XPO5: variants seen among roughly 807,000 people sequenced by gnomAD.
XPO5 encodes the protein exportin 5.
XPO5 carries 46 observed loss-of-function variants against 160.6 expected under a neutral mutation model. That is an observed-to-expected ratio of 0.29 (90% CI 0.23 to 0.37). The LOEUF (loss-of-function observed/expected upper bound fraction) is 0.37. XPO5 is among the 10% of genes least tolerant of loss of function. The pLI is 1.00. For missense variants in XPO5, 1,090 were observed against 1,463.9 expected, an observed-to-expected ratio of 0.74 and a Z score of 4.17; for synonymous variants, 537 against 519.3, an observed-to-expected ratio of 1.03 and a Z score of -0.46.
chr6:43,524,385 G>A, intron 31 of XPO5, 86 bp downstream of exon 31: 1 of 1,453,238 alleles, frequency 6.9e-7, no homozygotes, highest in South Asian at 1.4e-5. Flanking sequence ...CACCATAATG[G>A]TCAATAACTA....
chr6:43,546,587 A>T lies in XPO5; in HGVS notation c.2326T>A (p.Leu776Met), dbSNP rs748594652. ...CTGACTCACCTTATAAGCGCAAGCA[A>T]ATTGTCAAGAAGTTTCAGAATCTGC... is the stretch of plus-strand genomic sequence containing the variant. ...TEQILKLLDN[L>M]LALIRTHNTL... The change falls in exon 20 of 32, where the codon TTG becomes ATG. Residue 776 changes from leucine to methionine, a missense_variant. Physicochemically the swap from Leu to Met is conservative, Grantham distance 15 (BLOSUM62 2). Coordinates refer to ENST00000265351, the MANE Select transcript of XPO5 (RefSeq NM_020750.3). 6.2e-7 allele frequency: 1 copy of T among 1,609,620 alleles called. No homozygotes were observed. Among genetic ancestry groups the T allele is most frequent in the African/African-American group, 1.3e-5 (1 of 74,806 alleles).
chr6:43,546,242 T>C (rs923534531), intron 20 of XPO5, among the ~76,000 whole-genome samples: 1 of 151,934 alleles, frequency 6.6e-6, no homozygotes, highest in Non-Finnish European at 1.5e-5. Context: ...CAATGAGCAA[T>C]TCCTTTACTA....
At chr6:43,561,263 A>C in intron 9 of XPO5, 1 of 404,262 alleles carries the variant, frequency 2.5e-6, no homozygotes, top group Non-Finnish European at 4.4e-6. Context: ...ACAGTAAAAT[A>C]AAAAACACTC....
chr6:43,576,020 A>G lies in XPO5; in HGVS notation c.-156T>C, dbSNP rs1043323038. On this transcript the variant is annotated 5_prime_UTR_variant, in exon 1 of 32. Transcript: ENST00000265351. ...GCGTTAGCAGCAACTCGCGCTGGGAAGAAGCCGGCGCTGCGCACGCGCCCG... is the reference window on the plus strand; with the variant it reads ...GCGTTAGCAGCAACTCGCGCTGGGAGGAAGCCGGCGCTGCGCACGCGCCCG... 1 of 623,952 alleles carries G rather than the reference A, an allele frequency of 1.6e-6. No individual in the cohort carries two copies. Among genetic ancestry groups the G allele is most frequent in the Non-Finnish European group, 2.7e-6 (1 of 376,544 alleles). 38.7% of individuals were successfully genotyped at this position (623,952 alleles called of 1,614,324 possible).
chr6:43,556,071 CT>C, intron 12 of XPO5, 107 bp from the exon 13 acceptor site: 1 of 1,457,516 alleles, frequency 6.9e-7, no homozygotes, highest in Non-Finnish European at 9.2e-7. Context: ...TTCAAAGGAA[CT>C]GTTTTGCAGA....
chr6:43,547,575 C>T, intron 19 of XPO5, 33 bp downstream of exon 19: 1 of 1,601,086 alleles, frequency 6.2e-7, no homozygotes, highest in Non-Finnish European at 8.6e-7. Flanking sequence ...TACCCATGGC[C>T]AATGCCACTT....
chr6:43,575,674 G>A, intron 1 of XPO5, 86 bp downstream of exon 1: 1 of 1,251,252 alleles, frequency 8.0e-7, no homozygotes, highest in Non-Finnish European at 1.1e-6. Flanking sequence ...GTGGGCGGGA[G>A]ACTACCCCAG....
intron 20 of XPO5, among the ~76,000 whole-genome samples, chr6:43,544,538 G>A (rs115861118): frequency 1.8e-3 from 279 of 152,316 alleles, no homozygotes; most frequent in African/African-American, 4.4e-3. Context: ...TCTGGCCACA[G>A]GCCTAAAAAG....
At chr6:43,533,369 G>C (rs1338495897) in intron 21 of XPO5, 1 of 152,750 alleles carries the variant, frequency 6.5e-6, no homozygotes, top group Non-Finnish European at 1.5e-5. Context: ...AATTGAAGAA[G>C]GGGTTAACGG....
At chr6:43,555,748 A>T in intron 13 of XPO5, 88 bp downstream of exon 13, 1 of 1,527,572 alleles carries the variant, frequency 6.5e-7, no homozygotes, top group Non-Finnish European at 8.9e-7. Flanking sequence ...TATCGTTCTG[A>T]TGTGTGTATA....
intron 12 of XPO5, 140 bp downstream of exon 12, chr6:43,558,361 G>A (rs1762223235): frequency 2.8e-6 from 2 of 715,722 alleles, no homozygotes; most frequent in South Asian, 4.1e-5. Flanking sequence ...TTCTGCAATG[G>A]GAAACTAGGG....
In XPO5 at chr6:43,547,615, C is replaced by T. The variant is rs1561875398; in HGVS notation, c.2153G>A (p.Arg718His). The change falls in exon 19 of 32, where the codon CGT becomes CAT. Residue 718 changes from arginine to histidine, a missense_variant. Physicochemically the swap from Arg to His is conservative, Grantham distance 29. This residue lies in a region of XPO5 where 810 missense variants were observed against 1,139.0 expected (regional missense o/e 0.71). Transcript: ENST00000265351. ...TTCCCAGGAAAGTCTTACTCGTGCA[C>T]GGTTTAAGCCACACGGATCCTCCAG... ...PGLEDPCGLN[R>H]ARMSFCVYSI... 1.9e-6 allele frequency: 3 copies of T among 1,613,960 alleles called. No individual in the cohort carries two copies. Among genetic ancestry groups the T allele is most frequent in the Non-Finnish European group, 2.5e-6 (3 of 1,179,852 alleles).
chr6:43,573,039 TG>T (rs138959219), intron 2 of XPO5, among the ~76,000 whole-genome samples: 1,924 of 152,318 alleles, frequency 0.013, 42 homozygotes, highest in African/African-American at 0.044. Flanking sequence ...CAAGTTAGGA[TG>T]GGTTTTCAGT....
At chr6:43,540,235 C>A (rs1255426129) in intron 20 of XPO5, among the ~76,000 whole-genome samples, 1 of 152,164 alleles carries the variant, frequency 6.6e-6, no homozygotes, top group African/African-American at 2.4e-5. Context: ...ACTGAAGATA[C>A]AAAATTAGCC....
intron 20 of XPO5, among the ~76,000 whole-genome samples, chr6:43,534,336 C>T (rs1315176771): frequency 2.0e-5 from 3 of 152,078 alleles, no homozygotes; most frequent in South Asian, 2.1e-4. Context: ...ACCAGTGATA[C>T]GGAATGAAAT....
intron 2 of XPO5, among the ~76,000 whole-genome samples, chr6:43,572,798 T>C (rs1182958786): frequency 6.6e-6 from 1 of 152,216 alleles, no homozygotes. Context: ...CAGTGGTCCA[T>C]TAACTGGAAT....
intron 7 of XPO5, 68 bp from the exon 8 acceptor site, chr6:43,565,804 T>C: frequency 8.1e-7 from 1 of 1,239,340 alleles, no homozygotes; most frequent in African/African-American, 1.5e-5. Context: ...CTTCTGTAAG[T>C]ATATAATCAA....
Position 43,524,890 on chromosome 6 carries a change from G to A in XPO5, c.3253C>T (p.Gln1085Ter). 1 of 1,613,996 alleles carries A rather than the reference G, an allele frequency of 6.2e-7. No individual in the cohort carries two copies. The highest frequency in any genetic ancestry group is 8.5e-7 in the Non-Finnish European group (1 of 1,179,896). Reference sequence around the variant, plus strand: ...AGGGAAGCCATGCACCCGTCGTGCTGCCCGTGCATCTGTAAGCCTTTCAGC... The same window carrying A: ...AGGGAAGCCATGCACCCGTCGTGCTACCCGTGCATCTGTAAGCCTTTCAGC... Reference protein sequence around the residue: ...SVLKGLQMHGQHDGCMASLVH... With the variant: ...SVLKGLQMHG Residue 1085 changes from glutamine to a stop codon, truncating the protein, a stop_gained, in exon 30 of 32, where the codon CAG becomes TAG. Coordinates refer to ENST00000265351, the MANE Select transcript of XPO5 (RefSeq NM_020750.3). LOFTEE classifies it high-confidence loss of function.
intron 26 of XPO5, 89 bp from the exon 27 acceptor site, chr6:43,526,836 T>C: frequency 7.2e-7 from 1 of 1,380,454 alleles, no homozygotes; most frequent in South Asian, 1.2e-5. Context: ...AACCTGTCTC[T>C]GGCCAGGTGA....
Sources: gnomAD v4.1 joint callset for allele counts (sites outside exome capture counted in the v4.1 genomes callset) on GRCh38, gnomAD v4.1.1 for gene constraint, gnomAD v4.1.1 regional missense constraint, MANE v1.5 for transcripts, NCBI Gene and HGNC (gene_info 2026-07-23, HGNC 2026-07-21) for gene names.